The following PRUNE2 variants were observed in gnomAD, a reference collection of about 807,000 sequenced individuals.
PRUNE2 encodes prune homolog 2 with BCH domain, also known as protein prune homolog 2.
A neutral mutation model predicts 252.0 loss-of-function variants in PRUNE2; 164 were observed. That is an observed-to-expected ratio of 0.65 (90% confidence interval 0.57 to 0.74). The LOEUF (loss-of-function observed/expected upper bound fraction) is 0.74. PRUNE2 is among the 30% of genes least tolerant of loss of function. The pLI is 0.00. For missense variants in PRUNE2, 3,495 were observed against 3,711.0 expected (o/e 0.94, Z 1.51); for synonymous variants, 1,292 against 1,350.2 (o/e 0.96, Z 0.94).
chr9:76,691,896 T>TGCAGCTG, intron 9 of PRUNE2: 2 of 596,338 alleles, frequency 3.4e-6, no homozygotes, highest in East Asian at 5.7e-5. Context: ...CGGAATAAAA[T>TGCAGCTG]GCAGCTGGCA....
intron 1 of PRUNE2, chr9:76,869,074 C>G (rs930670716): frequency 1.3e-5 from 2 of 152,278 alleles, no homozygotes; most frequent in South Asian, 4.1e-4. Flanking sequence ...AAGACGCGCT[C>G]GAAGACTTTT....
At chr9:76,635,298 A>C (rs1839545557) in intron 15 of PRUNE2, among the ~76,000 whole-genome samples, 1 of 152,180 alleles carries the variant, frequency 6.6e-6, no homozygotes, top group Non-Finnish European at 1.5e-5. Flanking sequence ...AAAGCAATTT[A>C]ACACAGTATG....
intron 6 of PRUNE2, among the ~76,000 whole-genome samples, chr9:76,734,527 C>T (rs2048907529): frequency 2.0e-5 from 3 of 152,126 alleles, no homozygotes; most frequent in Admixed American, 2.0e-4. Context: ...ATAATAATAC[C>T]TACTACATAG....
chr9:76,878,370 C>T (rs572185196), intron 1 of PRUNE2, among the ~76,000 whole-genome samples: 3 of 152,276 alleles, frequency 2.0e-5, no homozygotes, highest in Admixed American at 6.5e-5. Flanking sequence ...TATGAAGAAG[C>T]GATTGCCCTC....
intron 1 of PRUNE2, among the ~76,000 whole-genome samples, chr9:76,891,769 G>C (rs936406692): frequency 1.3e-5 from 2 of 152,198 alleles, no homozygotes; most frequent in African/African-American, 4.8e-5. Flanking sequence ...CAGATGCTGG[G>C]AATTAGAAGA....
chr9:76,772,296 C>T (rs1399605659), intron 6 of PRUNE2, among the ~76,000 whole-genome samples: 1 of 152,032 alleles, frequency 6.6e-6, no homozygotes, highest in Non-Finnish European at 1.5e-5. Flanking sequence ...CAGGGATGGA[C>T]TCTTCAATAG....
intron 9 of PRUNE2, among the ~76,000 whole-genome samples, chr9:76,679,294 G>T (rs192331389): frequency 6.6e-6 from 1 of 152,026 alleles, no homozygotes; most frequent in Non-Finnish European, 1.5e-5. Context: ...ATACAATAGT[G>T]GTTTTCAAAA....
At chr9:76,731,354 G>GATTC (rs1588899766) in intron 6 of PRUNE2, among the ~76,000 whole-genome samples, 1 of 124,616 alleles carries the variant, frequency 8.0e-6, no homozygotes. Context: ...ACAGGGTATT[G>GATTC]CTCTGTCACC....
intron 1 of PRUNE2, chr9:76,857,009 C>G (rs2060286879): frequency 2.2e-6 from 1 of 453,572 alleles, no homozygotes; most frequent in Non-Finnish European, 4.4e-6. Flanking sequence ...CCGCCTTTGC[C>G]TCCCAAAGTA....
chr9:76,616,004 G>A (rs1029424498), intron 18 of PRUNE2, among the ~76,000 whole-genome samples: 14 of 152,010 alleles, frequency 9.2e-5, no homozygotes, highest in African/African-American at 2.9e-4. Context: ...TCTTGACCTC[G>A]TGATCCGCCC....
intron 1 of PRUNE2, among the ~76,000 whole-genome samples, chr9:76,904,248 G>A (rs1052930075): frequency 4.0e-5 from 6 of 151,134 alleles, no homozygotes; most frequent in Non-Finnish European, 7.4e-5. Flanking sequence ...TTTTTTTAAT[G>A]ATGTAGAGCA....
intron 6 of PRUNE2, among the ~76,000 whole-genome samples, chr9:76,721,815 T>A (rs893256902): frequency 2.0e-5 from 3 of 152,194 alleles, no homozygotes; most frequent in African/African-American, 7.2e-5. Context: ...ATAAGAAAAA[T>A]GCTGAGGTAT....
chr9:76,742,160 A>G (rs1195417639), intron 6 of PRUNE2, among the ~76,000 whole-genome samples: 1 of 152,238 alleles, frequency 6.6e-6, no homozygotes, highest in African/African-American at 2.4e-5. Context: ...CTGTGAAAGA[A>G]AAGAGACATA....
chr9:76,893,865 G>A (rs115861829), intron 1 of PRUNE2, among the ~76,000 whole-genome samples: 2,329 of 152,234 alleles, frequency 0.015, 62 homozygotes, highest in African/African-American at 0.053. Flanking sequence ...TTCAGGCCAC[G>A]GTCCAGGGGT....
chr9:76,804,474 T>C (rs1487507272), intron 6 of PRUNE2, among the ~76,000 whole-genome samples: 1 of 152,226 alleles, frequency 6.6e-6, no homozygotes. Context: ...CATGGTCCCA[T>C]ATCACTTTGG....
At chr9:76,768,579 ATGTATGTGTGTGTGTGTGTGTG>A (rs1163015083) in intron 6 of PRUNE2, among the ~76,000 whole-genome samples, 1 of 100,510 alleles carries the variant, frequency 9.9e-6, no homozygotes, top group Non-Finnish European at 2.4e-5. Context: ...ATATATGTAT[ATGTATGTGTGTGTGTGTGTGTG>A]TGTGTGTGTG....
Position 76,706,210 on chromosome 9 carries a change from T to G in PRUNE2, c.6064A>C (p.Ser2022Arg). 1 of 1,613,990 alleles carries G rather than the reference T, an allele frequency of 6.2e-7. No individual in the cohort carries two copies. The highest frequency in any genetic ancestry group is 8.5e-7 in the Non-Finnish European group (1 of 1,179,882). Residue 2022 changes from serine to arginine, a missense_variant, in exon 8 of 19, where the codon AGT becomes CGT. Ser to Arg is a moderately radical substitution (Grantham distance 110). Transcript: ENST00000376718. ...TTCATTATCAGTTGGGTGGGAGAAC[T>G]GACAGCAGGAAAATTTTCTGTGGCA... ...SIATENFPAVSSPTQLIMKPG... is the reference protein window; with the variant it reads ...SIATENFPAVRSPTQLIMKPG...
intron 6 of PRUNE2, chr9:76,738,645 T>C (rs902633110): frequency 6.6e-6 from 1 of 152,194 alleles, no homozygotes; most frequent in Non-Finnish European, 1.5e-5. Flanking sequence ...TAACTATTGA[T>C]TTAACCACTG....
At chr9:76,795,962 C>G (rs959893300) in intron 6 of PRUNE2, among the ~76,000 whole-genome samples, 1 of 152,094 alleles carries the variant, frequency 6.6e-6, no homozygotes, top group Non-Finnish European at 1.5e-5. Context: ...ATAAGACTAC[C>G]GTAAAACAAC....
Sources: gnomAD v4.1 joint callset for allele counts (sites outside exome capture counted in the v4.1 genomes callset) on GRCh38, gnomAD v4.1.1 for gene constraint, MANE v1.5 for transcripts, NCBI Gene and HGNC (gene_info 2026-07-23, HGNC 2026-07-21) for gene names.